The following KPNA3 variants were observed in gnomAD, a reference collection of about 807,000 sequenced individuals.
The protein encoded by KPNA3 is karyopherin subunit alpha 3, also known as importin subunit alpha-4.
A neutral mutation model predicts 73.8 loss-of-function variants in KPNA3; 13 were observed. The ratio of observed to expected loss-of-function variants is 0.18; its 90% CI spans 0.11 to 0.28. The LOEUF (loss-of-function observed/expected upper bound fraction) is 0.28. Among genes scored for constraint, KPNA3 ranks in the 10% least tolerant of loss-of-function variants. The pLI is 1.00. For missense variants in KPNA3, 360 were observed against 618.1 expected, an observed-to-expected ratio of 0.58 and a Z score of 4.43; for synonymous variants, 186 against 206.9, an observed-to-expected ratio of 0.90 and a Z score of 0.87.
At chr13:49,725,818 T>TCA (rs1954404586) in intron 6 of KPNA3, among the ~76,000 whole-genome samples, 1 of 152,178 alleles carries the variant, frequency 6.6e-6, no homozygotes, top group African/African-American at 2.4e-5. Context: ...ATTTTTGTAC[T>TCA]TTTAGTAGAG....
At chr13:49,757,349 C>A (rs139196139) in intron 1 of KPNA3, among the ~76,000 whole-genome samples, 5 of 151,902 alleles carry the variant, frequency 3.3e-5, no homozygotes, top group African/African-American at 1.2e-4. Context: ...CAAAGCTCAA[C>A]AGGTAACCAA....
At chr13:49,737,027 G>A (rs1172556520) in intron 2 of KPNA3, among the ~76,000 whole-genome samples, 1 of 151,982 alleles carries the variant, frequency 6.6e-6, no homozygotes, top group East Asian at 1.9e-4. Flanking sequence ...TTATATAATT[G>A]TTCATTTTTA....
At chr13:49,756,843 A>C (rs935949608) in intron 1 of KPNA3, among the ~76,000 whole-genome samples, 1 of 152,236 alleles carries the variant, frequency 6.6e-6, no homozygotes, top group Non-Finnish European at 1.5e-5. Flanking sequence ...ACATTGTGTG[A>C]TATCAGTGGA....
In KPNA3 at chr13:49,788,835, G is replaced by A. The variant is rs535333756; in HGVS notation, c.69+3603C>T. On this transcript the variant is annotated intron_variant, in intron 1 of 16. Transcript: ENST00000261667. ...GCTACAAAATGCATCCCCTACCCAAGCTCCAAATTTCTATCAGTGATGATA... is the reference window on the plus strand; with the variant it reads ...GCTACAAAATGCATCCCCTACCCAAACTCCAAATTTCTATCAGTGATGATA... 1.1e-4 allele frequency among the ~76,000 whole-genome samples: 17 copies of A among 148,140 alleles called. No homozygotes were observed. In the South Asian group the frequency reaches 3.4e-3, roughly 30 times the overall value.
intron 1 of KPNA3, among the ~76,000 whole-genome samples, chr13:49,762,983 GTAAT>G (rs1357521350): frequency 6.8e-6 from 1 of 147,086 alleles, no homozygotes; most frequent in African/African-American, 2.5e-5. Context: ...GTCATAAAAA[GTAAT>G]TAAGTGAAAT....
At chr13:49,704,368 A>G (rs1451989260) in intron 15 of KPNA3, among the ~76,000 whole-genome samples, 1 of 151,374 alleles carries the variant, frequency 6.6e-6, no homozygotes, top group African/African-American at 2.4e-5. Flanking sequence ...GGTTGCGGTG[A>G]GCCATTACAC....
intron 1 of KPNA3, among the ~76,000 whole-genome samples, chr13:49,789,716 AAGGCCC>A (rs1274514808): frequency 2.6e-5 from 4 of 152,152 alleles, no homozygotes; most frequent in Non-Finnish European, 4.4e-5. Context: ...ATCCCCAATA[AAGGCCC>A]TTCATCAGAT....
intron 15 of KPNA3, among the ~76,000 whole-genome samples, chr13:49,704,425 AAT>A (rs1954182611): frequency 1.2e-4 from 12 of 99,912 alleles, no homozygotes; most frequent in Non-Finnish European, 1.9e-4. Flanking sequence ...AAAAAAAATA[AAT>A]AAATAAAAAA....
At chr13:49,711,097 T>C (rs184943842) in intron 10 of KPNA3, 75 bp from the exon 11 acceptor site, 2 of 1,389,500 alleles carry the variant, frequency 1.4e-6, no homozygotes, top group Admixed American at 2.7e-5. Flanking sequence ...ACCTCAGGAG[T>C]AGTGACAGAA....
intron 1 of KPNA3, among the ~76,000 whole-genome samples, chr13:49,754,553 G>T (rs555997911): frequency 6.3e-5 from 9 of 142,014 alleles, no homozygotes; most frequent in Middle Eastern, 3.6e-3. Flanking sequence ...ACAAGCAGAA[G>T]GAATAAACAG....
intron 2 of KPNA3, 47 bp downstream of exon 2, chr13:49,746,902 C>A (rs1448982237): frequency 1.4e-6 from 2 of 1,409,966 alleles, no homozygotes; most frequent in East Asian, 2.3e-5. Context: ...AGAATTTTAA[C>A]ATCAGAAAAA....
intron 1 of KPNA3, among the ~76,000 whole-genome samples, chr13:49,753,638 C>T (rs1954685585): frequency 6.6e-6 from 1 of 152,236 alleles, no homozygotes; most frequent in Non-Finnish European, 1.5e-5. Flanking sequence ...TGTTAGGAGC[C>T]AGGCTGCACA....
At chr13:49,784,907 T>C (rs1238006479) in intron 1 of KPNA3, among the ~76,000 whole-genome samples, 4 of 152,116 alleles carry the variant, frequency 2.6e-5, no homozygotes, top group African/African-American at 4.8e-5. Context: ...TTAAAATACA[T>C]TATCATAATT....
At chr13:49,778,768 T>G (rs970065494) in intron 1 of KPNA3, among the ~76,000 whole-genome samples, 4 of 152,080 alleles carry the variant, frequency 2.6e-5, no homozygotes, top group Non-Finnish European at 4.4e-5. Context: ...CCACCATGCT[T>G]GCCTACTTTT....
chr13:49,704,442 T>A (rs2407798), intron 15 of KPNA3, among the ~76,000 whole-genome samples: 731 of 6,364 alleles, frequency 0.11, 9 homozygotes, highest in Non-Finnish European at 0.13. Flanking sequence ...AAAAAATAAA[T>A]AAATAAATAA....
intron 12 of KPNA3, among the ~76,000 whole-genome samples, chr13:49,709,285 C>G (rs1028154450): frequency 6.6e-6 from 1 of 151,648 alleles, no homozygotes; most frequent in Non-Finnish European, 1.5e-5. Context: ...CCTGTAGTCC[C>G]AGCTTCTCGG....
At chr13:49,762,920 T>TAAAAA (rs374167946) in intron 1 of KPNA3, among the ~76,000 whole-genome samples, 14,675 of 125,030 alleles carry the variant, frequency 0.12, 1,810 homozygotes, top group East Asian at 0.57. Flanking sequence ...AAGGCTGGCT[T>TAAAAA]AAAAAACAAA....
intron 9 of KPNA3, among the ~76,000 whole-genome samples, chr13:49,720,729 CA>C (rs10707385): frequency 0.41 from 35,863 of 87,978 alleles, 3,234 homozygotes; most frequent in East Asian, 0.57. Flanking sequence ...GAGACTGTCT[CA>C]AAAAAAAAAA....
intron 2 of KPNA3, among the ~76,000 whole-genome samples, chr13:49,738,370 GTCTA>G (rs762238878): frequency 2.0e-5 from 3 of 152,092 alleles, no homozygotes; most frequent in African/African-American, 4.8e-5. Context: ...ATTTTTAAAT[GTCTA>G]TCTATGTCCA....
Sources: gnomAD v4.1 joint callset for allele counts (sites outside exome capture counted in the v4.1 genomes callset) on GRCh38, gnomAD v4.1.1 for gene constraint, MANE v1.5 for transcripts, NCBI Gene and HGNC (gene_info 2026-07-23, HGNC 2026-07-21) for gene names.